Variants in ST6GALNAC3 observed in about 807,000 individuals in gnomAD.
ST6GALNAC3 encodes ST6 N-acetylgalactosaminide alpha-2,6-sialyltransferase 3.
A neutral mutation model predicts 32.7 loss-of-function variants in ST6GALNAC3; 25 were observed. The observed-to-expected ratio is 0.76, with a 90% CI of 0.56 to 1.07. The LOEUF (loss-of-function observed/expected upper bound fraction) is 1.07, where lower values mean the gene tolerates loss of function less well. Among genes scored for constraint, ST6GALNAC3 ranks in the 50% least tolerant of loss-of-function variants. The pLI is 0.00. For synonymous variants in ST6GALNAC3, 129 were observed against 133.1 expected, an observed-to-expected ratio of 0.97 and a Z score of 0.21; for missense variants, 355 against 382.4, an observed-to-expected ratio of 0.93 and a Z score of 0.60.
chr1:76,387,139 T>G (rs185610870), intron 2 of ST6GALNAC3, among the ~76,000 whole-genome samples: 1 of 152,156 alleles, frequency 6.6e-6, no homozygotes, highest in Non-Finnish European at 1.5e-5. Flanking sequence ...AATTTTTATA[T>G]TGGGGATTCA....
rs1039013525 is a variant in ST6GALNAC3, at chr1:76,219,996, G to A, written c.19-93809G>A. On this transcript the variant is annotated intron_variant, in intron 1 of 4. Transcript: ENST00000328299. ...GTACACAGTGGTGAATGAGAAGGAG[G>A]CTTATTATTGTTATCTGTAGGCACC... 5.9e-5 allele frequency among the ~76,000 whole-genome samples: 9 copies of A among 152,184 alleles called. No homozygotes were observed. In the East Asian group the frequency reaches 1.7e-3, roughly 29 times the overall value.
intron 1 of ST6GALNAC3, among the ~76,000 whole-genome samples, chr1:76,237,933 T>G (rs1018405294): frequency 6.6e-6 from 1 of 152,340 alleles, no homozygotes; most frequent in East Asian, 1.9e-4. Flanking sequence ...ATGAATTACA[T>G]TGATGTTGAT....
chr1:76,225,834 G>T (rs1411511813), intron 1 of ST6GALNAC3, among the ~76,000 whole-genome samples: 2 of 152,040 alleles, frequency 1.3e-5, no homozygotes, highest in African/African-American at 4.8e-5. Flanking sequence ...CATTTTAAGA[G>T]CCCATTTTTT....
intron 3 of ST6GALNAC3, among the ~76,000 whole-genome samples, chr1:76,537,351 A>G (rs1663676734): frequency 6.6e-6 from 1 of 152,220 alleles, no homozygotes. Flanking sequence ...TTATAGTACT[A>G]AATGCCCATA....
At chr1:76,475,641 A>G (rs898429706) in intron 3 of ST6GALNAC3, among the ~76,000 whole-genome samples, 1 of 152,226 alleles carries the variant, frequency 6.6e-6, no homozygotes. Flanking sequence ...TACAAGTGTC[A>G]TTAAGATTTC....
At chr1:76,484,184 A>G in intron 3 of ST6GALNAC3, among the ~76,000 whole-genome samples, 1 of 152,348 alleles carries the variant, frequency 6.6e-6, no homozygotes, top group East Asian at 1.9e-4. Context: ...CTTTTGGCTT[A>G]GGATTGACTT....
chr1:76,572,086 A>G (rs896004281), intron 3 of ST6GALNAC3, among the ~76,000 whole-genome samples: 2 of 151,950 alleles, frequency 1.3e-5, no homozygotes, highest in East Asian at 1.9e-4. Context: ...TTTGACAAAA[A>G]CATCATTCAG....
At position 76,345,261 on chromosome 1, in the gene ST6GALNAC3, A is replaced by G. The variant is rs996620982; in HGVS notation, c.213+31262A>G. Among the ~76,000 whole-genome samples, 6 of 152,162 alleles carry G rather than the reference A, an allele frequency of 3.9e-5. 1 individual carries two copies. The highest frequency in any genetic ancestry group is 2.1e-4 in the South Asian group (1 of 4,822). Reference sequence around the variant, plus strand: ...ATTTTAAAGCTGTTGACTAACTTCAAAAAGAATCTTTTTGAATTCCTTTTA... The same window carrying G: ...ATTTTAAAGCTGTTGACTAACTTCAGAAAGAATCTTTTTGAATTCCTTTTA... On this transcript the variant is annotated intron_variant, in intron 2 of 4. Coordinates refer to ENST00000328299, the MANE Select transcript of ST6GALNAC3 (RefSeq NM_152996.4).
At chr1:76,092,004 T>A (rs1647053214) in intron 1 of ST6GALNAC3, among the ~76,000 whole-genome samples, 1 of 152,226 alleles carries the variant, frequency 6.6e-6, no homozygotes, top group Admixed American at 6.5e-5. Context: ...TTAGAGAATT[T>A]AATTGCTTAA....
intron 1 of ST6GALNAC3, among the ~76,000 whole-genome samples, chr1:76,103,683 G>GA (rs1450274616): frequency 1.3e-5 from 2 of 152,152 alleles, no homozygotes; most frequent in Non-Finnish European, 2.9e-5. Flanking sequence ...AGGCTCTAGG[G>GA]AAGAATCCAC....
At chr1:76,085,901 C>T (rs1027089030) in intron 1 of ST6GALNAC3, among the ~76,000 whole-genome samples, 1 of 152,186 alleles carries the variant, frequency 6.6e-6, no homozygotes, top group East Asian at 1.9e-4. Flanking sequence ...CTCCAGTCAA[C>T]TTTCTTGGCA....
intron 1 of ST6GALNAC3, among the ~76,000 whole-genome samples, chr1:76,162,030 C>CA (rs1040926142): frequency 4.6e-5 from 7 of 151,876 alleles, no homozygotes; most frequent in Non-Finnish European, 1.0e-4. Flanking sequence ...CAGGGCCAGG[C>CA]AAAAAAAGGT....
At chr1:76,618,533 A>G (rs1161926721) in intron 3 of ST6GALNAC3, among the ~76,000 whole-genome samples, 1 of 152,202 alleles carries the variant, frequency 6.6e-6, no homozygotes, top group African/African-American at 2.4e-5. Context: ...ATCGAAAAAT[A>G]TTAGCTTTTT....
intron 3 of ST6GALNAC3, among the ~76,000 whole-genome samples, chr1:76,564,057 A>G (rs1665406173): frequency 6.6e-6 from 1 of 152,330 alleles, no homozygotes; most frequent in East Asian, 1.9e-4. Flanking sequence ...ATGCCAAGAC[A>G]GTAGGCTGTG....
intron 3 of ST6GALNAC3, among the ~76,000 whole-genome samples, chr1:76,489,378 ATGT>A (rs1467514883): frequency 6.6e-6 from 1 of 151,964 alleles, no homozygotes. Context: ...GTATATTATT[ATGT>A]TGTTGTTGAC....
intron 3 of ST6GALNAC3, among the ~76,000 whole-genome samples, chr1:76,517,694 G>A (rs186639893): frequency 3.4e-4 from 52 of 151,632 alleles, no homozygotes; most frequent in African/African-American, 1.1e-3. Flanking sequence ...ACATTTTTAA[G>A]GCTACTTATT....
At chr1:76,530,092 C>A (rs191525723) in intron 3 of ST6GALNAC3, among the ~76,000 whole-genome samples, 3 of 152,174 alleles carry the variant, frequency 2.0e-5, no homozygotes, top group Non-Finnish European at 4.4e-5. Flanking sequence ...TACTTATAAT[C>A]CTAACCTATG....
At chr1:76,485,151 G>A (rs1312074276) in intron 3 of ST6GALNAC3, among the ~76,000 whole-genome samples, 5 of 152,182 alleles carry the variant, frequency 3.3e-5, no homozygotes, top group Admixed American at 1.3e-4. Flanking sequence ...TTTTTGCATC[G>A]ATGTTCATCA....
intron 2 of ST6GALNAC3, among the ~76,000 whole-genome samples, chr1:76,382,348 A>C (rs1651773372): frequency 6.6e-6 from 1 of 152,210 alleles, no homozygotes; most frequent in Admixed American, 6.5e-5. Context: ...TATGATTAAT[A>C]TGTGTAAGAA....
Sources: allele counts gnomAD v4.1 joint callset (sites outside exome capture counted in the v4.1 genomes callset), GRCh38; gene constraint gnomAD v4.1.1; transcripts MANE v1.5; gene names NCBI Gene and HGNC (gene_info 2026-07-23, HGNC 2026-07-21).